PRKCB: variants seen among roughly 807,000 people sequenced by gnomAD.
PRKCB encodes the protein protein kinase C beta.
In PRKCB, 13 loss-of-function variants were observed where a neutral mutation model predicts 81.5. That is an observed-to-expected ratio of 0.16 (90% CI 0.10 to 0.25). The LOEUF (loss-of-function observed/expected upper bound fraction) is 0.25, where lower values mean the gene tolerates loss of function less well. Among genes scored for constraint, PRKCB ranks in the 10% least tolerant of loss-of-function variants. The probability of loss-of-function intolerance (pLI) is 1.00; values close to 1 mark genes in which losing one functional copy is unlikely to be tolerated. For synonymous variants in PRKCB, 335 were observed against 321.4 expected, an observed-to-expected ratio of 1.04 and a Z score of -0.45; for missense variants, 509 against 875.7, an observed-to-expected ratio of 0.58 and a Z score of 5.29.
chr16:24,139,308 C>T (rs879938972), intron 9 of PRKCB, among the ~76,000 whole-genome samples: 15 of 152,196 alleles, frequency 9.9e-5, no homozygotes, highest in Non-Finnish European at 2.1e-4. Flanking sequence ...CTGGTATCAA[C>T]AATTAGACGA....
At chr16:23,918,175 G>A (rs1245466570) in intron 2 of PRKCB, among the ~76,000 whole-genome samples, 1 of 152,062 alleles carries the variant, frequency 6.6e-6, no homozygotes, top group East Asian at 1.9e-4. Flanking sequence ...AGGGATGGGA[G>A]GGAGCCAACA....
chr16:23,836,352 A>AGC lies in PRKCB; in HGVS notation c.173+15_173+16dup, dbSNP rs753938672. On this transcript the variant is annotated splice_donor_region_variant and intron_variant, in intron 1 of 16. Coordinates refer to ENST00000643927, the MANE Select transcript of PRKCB (RefSeq NM_002738.7). ...GCCACTGCACCGACTTCATCTGGTG[A>AGC]GCGCGCGCGCGCAGGGCACCTTCCC... The AGC allele has an allele frequency of 1.4e-5, 23 of 1,599,466 alleles. No homozygotes were observed. The highest frequency in any genetic ancestry group is 8.8e-5 in the South Asian group (8 of 90,504).
chr16:24,078,341 G>T (rs913722145), intron 5 of PRKCB, among the ~76,000 whole-genome samples: 5 of 152,222 alleles, frequency 3.3e-5, no homozygotes, highest in Admixed American at 3.3e-4. Flanking sequence ...CCTGGTTCCT[G>T]TCCCGAGGAT....
At chr16:24,043,941 A>G (rs1010157500) in intron 5 of PRKCB, among the ~76,000 whole-genome samples, 3 of 152,246 alleles carry the variant, frequency 2.0e-5, no homozygotes, top group Non-Finnish European at 4.4e-5. Flanking sequence ...ATGAAACACC[A>G]GCGTGCAAAG....
intron 2 of PRKCB, chr16:23,893,781 A>T (rs764756150): frequency 2.0e-5 from 3 of 152,222 alleles, no homozygotes; most frequent in African/African-American, 4.8e-5. Context: ...ATAGATTTCT[A>T]TTGAACGGAT....
intron 2 of PRKCB, among the ~76,000 whole-genome samples, chr16:23,853,685 A>G (rs1962511712): frequency 6.6e-6 from 1 of 152,190 alleles, no homozygotes. Flanking sequence ...TATCAAACAT[A>G]GCAGGGAAAG....
intron 5 of PRKCB, among the ~76,000 whole-genome samples, chr16:24,051,661 G>A (rs111480271): frequency 6.6e-6 from 1 of 151,568 alleles, no homozygotes; most frequent in Non-Finnish European, 1.5e-5. Flanking sequence ...ATCACTTGAG[G>A]CAAGGAGTTT....
chr16:24,073,448 C>A (rs1176581924), intron 5 of PRKCB, among the ~76,000 whole-genome samples: 1 of 152,160 alleles, frequency 6.6e-6, no homozygotes, highest in African/African-American at 2.4e-5. Flanking sequence ...CCTCCCGCCT[C>A]AGCCCCTTGA....
At chr16:24,185,069 T>G (rs1287247324) in intron 13 of PRKCB, 42 bp from the exon 14 acceptor site, 2 of 1,526,248 alleles carry the variant, frequency 1.3e-6, no homozygotes, top group Admixed American at 3.4e-5. Flanking sequence ...AGAAGAAACA[T>G]GAACTGCAAA....
intron 9 of PRKCB, among the ~76,000 whole-genome samples, chr16:24,126,134 A>AT (rs1222131784): frequency 2.0e-5 from 3 of 152,228 alleles, no homozygotes; most frequent in South Asian, 2.1e-4. Context: ...AGCATGTTGA[A>AT]TACATGAATG....
intron 12 of PRKCB, among the ~76,000 whole-genome samples, chr16:24,179,463 T>C (rs198138): frequency 0.42 from 64,341 of 152,076 alleles, 14,018 homozygotes; most frequent in African/African-American, 0.53. Context: ...GGAAATCGGA[T>C]TTCCCCATCT....
intron 3 of PRKCB, among the ~76,000 whole-genome samples, chr16:24,020,666 C>G (rs775918493): frequency 6.6e-6 from 1 of 152,180 alleles, no homozygotes; most frequent in Non-Finnish European, 1.5e-5. Context: ...AACTCTGGAG[C>G]CTGCGCTTGT....
chr16:24,218,547 A>G lies in PRKCB; in HGVS notation c.*3731A>G. Reference sequence around the variant, plus strand: ...ACCCTCACATAGACTTGGCAAGAGTAAGGAGGGAACTCCATAGAGACATTT... The same window carrying G: ...ACCCTCACATAGACTTGGCAAGAGTGAGGAGGGAACTCCATAGAGACATTT... On this transcript the variant is annotated 3_prime_UTR_variant, in exon 17 of 17. Coordinates refer to ENST00000643927, the MANE Select transcript of PRKCB (RefSeq NM_002738.7). 1 of 985,444 alleles carries G rather than the reference A, an allele frequency of 1.0e-6. No individual in the cohort carries two copies. The highest frequency in any genetic ancestry group is 1.2e-6 in the Non-Finnish European group (1 of 829,926). 61.0% of individuals were successfully genotyped at this position (985,444 alleles called of 1,614,324 possible). A position where few individuals can be genotyped will look rare whatever the true frequency, so the allele number is the denominator to read the frequency against.
intron 2 of PRKCB, among the ~76,000 whole-genome samples, chr16:23,866,395 G>T (rs1351299505): frequency 6.6e-6 from 1 of 152,178 alleles, no homozygotes; most frequent in Non-Finnish European, 1.5e-5. Context: ...AAATGCATAA[G>T]TACAATCTCA....
At chr16:24,067,136 G>A (rs572943990) in intron 5 of PRKCB, among the ~76,000 whole-genome samples, 1 of 152,252 alleles carries the variant, frequency 6.6e-6, no homozygotes, top group African/African-American at 2.4e-5. Flanking sequence ...ACAGGTGTGA[G>A]CCACTGTACC....
At chr16:24,108,085 G>A (rs1306182086) in intron 7 of PRKCB, among the ~76,000 whole-genome samples, 3 of 152,026 alleles carry the variant, frequency 2.0e-5, no homozygotes, top group South Asian at 4.1e-4. Flanking sequence ...GCAGGCTTTC[G>A]ATTGAGAGCC....
chr16:24,076,886 T>C (rs1011163676), intron 5 of PRKCB, among the ~76,000 whole-genome samples: 16 of 152,162 alleles, frequency 1.1e-4, no homozygotes, highest in African/African-American at 3.6e-4. Flanking sequence ...CTTTTATAGA[T>C]GGTCATCGGA....
chr16:24,135,017 A>G (rs1375829103), intron 9 of PRKCB, among the ~76,000 whole-genome samples: 3 of 152,166 alleles, frequency 2.0e-5, no homozygotes, highest in Non-Finnish European at 4.4e-5. Flanking sequence ...GAAGACAAAT[A>G]TATTAATATT....
chr16:23,965,143 C>T (rs555709241), intron 2 of PRKCB, among the ~76,000 whole-genome samples: 2 of 152,268 alleles, frequency 1.3e-5, no homozygotes, highest in South Asian at 4.2e-4. Flanking sequence ...GTTTTTGATC[C>T]TCACCTTCCA....
Sources: allele counts gnomAD v4.1 joint callset (sites outside exome capture counted in the v4.1 genomes callset), GRCh38; gene constraint gnomAD v4.1.1; transcripts MANE v1.5; gene names NCBI Gene and HGNC (gene_info 2026-07-23, HGNC 2026-07-21).